Variants in CARD9 observed in about 807,000 individuals in gnomAD.
The protein encoded by CARD9 is caspase recruitment domain-containing protein 9.
A neutral mutation model predicts 66.0 loss-of-function variants in CARD9; 53 were observed. The observed-to-expected ratio is 0.80, with a 90% CI of 0.64 to 1.01. The LOEUF (loss-of-function observed/expected upper bound fraction) is 1.01, where lower values mean the gene tolerates loss of function less well. Among genes scored for constraint, CARD9 ranks in the 50% least tolerant of loss-of-function variants. CARD9 has a pLI of 0.00. For synonymous variants in CARD9, 387 were observed against 313.8 expected (o/e 1.23, Z -2.47); for missense variants, 769 against 743.2 (o/e 1.03, Z -0.40).
chr9:136,364,214 G>C lies in CARD9; in HGVS notation c.*88C>G, dbSNP rs1242756501. On this transcript the variant is annotated 3_prime_UTR_variant, in exon 13 of 13. Coordinates refer to ENST00000371732, the MANE Select transcript of CARD9 (RefSeq NM_052813.5). ...CAGGCCAAGTCAGCGACGGCTCGGG[G>C]AAGTCTGCGCCCCAGGGCGTCGGCA... 1.3e-6 allele frequency: 2 copies of C among 1,550,422 alleles called. No individual in the cohort carries two copies. Among genetic ancestry groups the C allele is most frequent in the Admixed American group, 3.9e-5 (2 of 50,988 alleles).
intron 10 of CARD9, chr9:136,365,608 TAC>T: frequency 1.6e-5 from 4 of 248,420 alleles, no homozygotes; most frequent in Non-Finnish European, 2.4e-5. Context: ...TGGGGACAGC[TAC>T]AGTGGCTGTC....
chr9:136,366,593 TG>T, intron 10 of CARD9: 1 of 620,402 alleles, frequency 1.6e-6, no homozygotes, highest in Non-Finnish European at 2.9e-6. Flanking sequence ...TCCCACTAGC[TG>T]GGGCCCTGGG....
chr9:136,364,689 G>T, intron 11 of CARD9, 130 bp from the exon 12 acceptor site: 1 of 900,594 alleles, frequency 1.1e-6, no homozygotes, highest in Non-Finnish European at 1.7e-6. Flanking sequence ...CCTCAGCTCA[G>T]CGCCAAGCTC....
At chr9:136,372,246 T>C (rs1200315361) in intron 1 of CARD9, among the ~76,000 whole-genome samples, 152 bp from the exon 2 acceptor site, 2 of 152,206 alleles carry the variant, frequency 1.3e-5, no homozygotes, top group Middle Eastern at 3.4e-3. Context: ...CCCAGCTCCA[T>C]GTCCCATCCC....
At chr9:136,368,064 G>C in intron 7 of CARD9, 1 of 1,389,400 alleles carries the variant, frequency 7.2e-7, no homozygotes, top group Non-Finnish European at 9.4e-7. Flanking sequence ...CTGCACCCCC[G>C]GTGGACACAG....
In CARD9 at chr9:136,371,025, C is replaced by G. The variant is rs757627986; in HGVS notation, c.443G>C (p.Arg148Pro). 6 of 1,612,020 alleles carry G rather than the reference C, an allele frequency of 3.7e-6. No individual in the cohort carries two copies. Among genetic ancestry groups the G allele is most frequent in the Admixed American group, 1.7e-5 (1 of 59,956 alleles). ...SSKDDFIKELRVKDSLLRKHQ... is the reference protein window; with the variant it reads ...SSKDDFIKELPVKDSLLRKHQ... ...CTTGCGCAGCAGGCTGTCCTTCACC[C>G]GCAGCTCCTTGATGAAGTCATCTTT... Residue 148 changes from arginine to proline, a missense_variant, in exon 4 of 13, where the codon CGG (arginine) becomes CCG (proline). Transcript: ENST00000371732.
At chr9:136,365,558 T>G in intron 10 of CARD9, 2 of 363,544 alleles carry the variant, frequency 5.5e-6, no homozygotes, top group Non-Finnish European at 1.0e-5. Context: ...CCCCCATCAC[T>G]CCAAAGCATC....
chr9:136,367,514 G>A, intron 8 of CARD9, 123 bp downstream of exon 8: 5 of 1,222,756 alleles, frequency 4.1e-6, no homozygotes, highest in Non-Finnish European at 5.7e-6. Context: ...GGAGGGGTTT[G>A]GTTAGGTTGG....
chr9:136,368,375 T>G (rs959703399), intron 7 of CARD9, among the ~76,000 whole-genome samples: 7 of 152,324 alleles, frequency 4.6e-5, no homozygotes, highest in Non-Finnish European at 1.0e-4. Context: ...GCCCCCGCCC[T>G]GGGAGCCACA....
rs757753324 is a variant in CARD9, at chr9:136,370,621, G to A, written c.708C>T (p.His236=). ...CCTGGCTGGGCCGCTGCTCCATGGC[G>A]TGCCTGAGCTTCAGCGTGTGCTTGC... The part of the protein sequence containing the change: ...VERKHTLKLR[H]AMEQRPSQEL... Residue 236 remains histidine (H), a synonymous_variant, in exon 5 of 13, where the codon CAC becomes CAT. Transcript: ENST00000371732. The A allele has an allele frequency of 2.6e-5, 42 of 1,612,618 alleles. No individual in the cohort carries two copies. The highest frequency in any genetic ancestry group is 8.0e-5 in the African/African-American group (6 of 74,942).
chr9:136,368,124 G>T, intron 7 of CARD9: 1 of 975,536 alleles, frequency 1.0e-6, no homozygotes, highest in Non-Finnish European at 1.4e-6. Context: ...TTTGGACGCG[G>T]CTTGATATGG....
chr9:136,367,942 G>A (rs1195331803), intron 7 of CARD9, 114 bp from the exon 8 acceptor site: 8 of 1,449,672 alleles, frequency 5.5e-6, no homozygotes, highest in Admixed American at 2.5e-5. Flanking sequence ...GCCGCTGGGC[G>A]CGGAGGCTGG....
At chr9:136,367,570 C>T in intron 8 of CARD9, 67 bp downstream of exon 8, 1 of 1,490,224 alleles carries the variant, frequency 6.7e-7, no homozygotes, top group Non-Finnish European at 9.0e-7. Context: ...GGGGCTGAGG[C>T]TCCGTGCTCC....
Position 136,370,532 on chromosome 9 carries a change from G to T in CARD9, c.797C>A (p.Ala266Asp). The T allele has an allele frequency of 6.2e-7, 1 of 1,601,010 alleles. No individual in the cohort carries two copies. The highest frequency in any genetic ancestry group is 1.7e-5 in the Admixed American group (1 of 58,478). ...LLQARVQELE[A>D]SVQEGKLDRS... The stretch of plus-strand genomic sequence containing the variant: ...TGCCTACGGCCCCACCTGGACGGAG[G>T]CCTCCAGCTCCTGCACCCGGGCCTG... The change falls in exon 5 of 13, where the codon GCC (alanine) becomes GAC (aspartate). Residue 266 changes from alanine (A) to aspartate (D), a missense_variant. By Grantham distance (126) the Ala-to-Asp change is moderately radical (BLOSUM62 -2). Coordinates refer to ENST00000371732, the MANE Select transcript of CARD9 (RefSeq NM_052813.5).
intron 7 of CARD9, 194 bp from the exon 8 acceptor site, chr9:136,368,022 TG>T: frequency 7.1e-7 from 1 of 1,417,320 alleles, no homozygotes; most frequent in South Asian, 1.6e-5. Context: ...ATGTGACAGT[TG>T]TCCCTGCTGC....
chr9:136,368,548 C>T (rs1313098983), intron 7 of CARD9, among the ~76,000 whole-genome samples: 2 of 152,258 alleles, frequency 1.3e-5, no homozygotes, highest in African/African-American at 2.4e-5. Flanking sequence ...CGTTTTAAGG[C>T]TCCTGATGTG....
rs777324101 is a variant in CARD9, at chr9:136,365,160, T to C, written c.1415A>G (p.Gln472Arg). 6.2e-7 allele frequency: 1 copy of C among 1,611,904 alleles called. No individual in the cohort carries two copies. The highest frequency in any genetic ancestry group is 1.1e-5 in the South Asian group (1 of 91,056). Residue 472 changes from glutamine to arginine, a missense_variant, in exon 11 of 13, where the codon CAG becomes CGG. Gln to Arg is a conservative substitution (Grantham distance 43). Transcript: ENST00000371732. ...KQPFAALHQE[Q>R]VLRNPHDAGL... ...CCTTACATGGGGGTTCCGCAAAACCTGCTCCTGGTGCAGAGCTGCAAAGGG... is the reference window on the plus strand; with the variant it reads ...CCTTACATGGGGGTTCCGCAAAACCCGCTCCTGGTGCAGAGCTGCAAAGGG...
Position 136,364,016 on chromosome 9 carries a change from G to T in CARD9, c.*286C>A. 7.4e-7 allele frequency: 1 copy of T among 1,345,834 alleles called. No individual in the cohort carries two copies. Among genetic ancestry groups the T allele is most frequent in the Non-Finnish European group, 1.0e-6 (1 of 960,370 alleles). The allele number at this position is 1,345,834 out of a possible 1,614,324, so 83.4% of individuals were successfully genotyped here. A position where few individuals can be genotyped will look rare whatever the true frequency, so the allele number is the denominator to read the frequency against. On this transcript the variant is annotated 3_prime_UTR_variant, in exon 13 of 13. Transcript: ENST00000371732. Reference sequence around the variant, plus strand: ...GTTTTCTAACACTAATACAATGCATGCATGTATTGTGTGTTACATGGTGAA... The same window carrying T: ...GTTTTCTAACACTAATACAATGCATTCATGTATTGTGTGTTACATGGTGAA...
chr9:136,369,656 A>G (rs1218618124), intron 7 of CARD9, 94 bp downstream of exon 7: 3 of 1,529,732 alleles, frequency 2.0e-6, no homozygotes, highest in Non-Finnish European at 2.6e-6. Flanking sequence ...AATAACAAAG[A>G]TTAAAAATCC....
Sources: allele counts gnomAD v4.1 joint callset (sites outside exome capture counted in the v4.1 genomes callset), GRCh38; gene constraint gnomAD v4.1.1; transcripts MANE v1.5; gene names NCBI Gene and HGNC (gene_info 2026-07-23, HGNC 2026-07-21).